Variants in SLC30A8 observed in about 807,000 individuals in gnomAD.
SLC30A8 encodes proton-coupled zinc antiporter SLC30A8.
A neutral mutation model predicts 36.9 loss-of-function variants in SLC30A8; 27 were observed. The ratio of observed to expected loss-of-function variants is 0.73; its 90% CI spans 0.54 to 1.01. The LOEUF is 1.01. SLC30A8 is among the 50% of genes least tolerant of loss of function. The probability of loss-of-function intolerance (pLI) is 0.00; values close to 1 mark genes in which losing one functional copy is unlikely to be tolerated. For synonymous variants in SLC30A8, 164 were observed against 172.4 expected, an observed-to-expected ratio of 0.95 and a Z score of 0.38; for missense variants, 439 against 452.0, an observed-to-expected ratio of 0.97 and a Z score of 0.26.
chr8:117,153,723 G>GGTGTGTGTGT (rs59464276), intron 3 of SLC30A8, among the ~76,000 whole-genome samples: 2,147 of 146,978 alleles, frequency 0.015, 38 homozygotes, highest in East Asian at 0.062. Flanking sequence ...CATGATAAGG[G>GGTGTGTGTGT]GTGTGTGTGT....
intron 1 of SLC30A8, among the ~76,000 whole-genome samples, chr8:116,977,147 T>C (rs1815065899): frequency 8.7e-6 from 1 of 114,538 alleles, no homozygotes; most frequent in African/African-American, 4.4e-5. Context: ...CTTGCTTTTT[T>C]TTTTTTTTTT....
intron 2 of SLC30A8, among the ~76,000 whole-genome samples, chr8:117,071,392 T>A (rs571914427): frequency 6.6e-6 from 1 of 152,296 alleles, no homozygotes; most frequent in East Asian, 1.9e-4. Context: ...ATGTTTTAAT[T>A]TGGTTGTTTT....
chr8:117,088,080 G>T (rs867096029), intron 2 of SLC30A8, among the ~76,000 whole-genome samples: 3 of 152,030 alleles, frequency 2.0e-5, no homozygotes, highest in Non-Finnish European at 4.4e-5. Flanking sequence ...GGGAAGGAGA[G>T]AGAGAGAATG....
At chr8:117,057,599 A>C (rs549418301) in intron 2 of SLC30A8, among the ~76,000 whole-genome samples, 40 of 152,276 alleles carry the variant, frequency 2.6e-4, no homozygotes, top group Non-Finnish European at 5.0e-4. Flanking sequence ...GATTCCATGT[A>C]TAAGTGAAAT....
At chr8:117,126,269 G>A (rs1372507971) in intron 2 of SLC30A8, among the ~76,000 whole-genome samples, 1 of 151,772 alleles carries the variant, frequency 6.6e-6, no homozygotes, top group Non-Finnish European at 1.5e-5. Context: ...TATGTATGAA[G>A]TATTAATATG....
At chr8:117,023,975 A>G (rs986874295) in intron 1 of SLC30A8, among the ~76,000 whole-genome samples, 1 of 152,138 alleles carries the variant, frequency 6.6e-6, no homozygotes, top group Non-Finnish European at 1.5e-5. Flanking sequence ...AATTGATGGC[A>G]TATTTTAAAA....
In SLC30A8 at chr8:117,091,086, C is replaced by A. The variant is rs567688424; in HGVS notation, c.-225-44194C>A. Among the ~76,000 whole-genome samples, 7 of 150,624 alleles carry A rather than the reference C, an allele frequency of 4.6e-5. No homozygotes were observed. The South Asian group carries it at 1.5e-3, about 31-fold the overall frequency. ...CTGAAAACATCTTTTTTTTTTTGCA[C>A]TTAGATTGGCAGAGCCACTTCATCT... is the stretch of plus-strand genomic sequence containing the variant. On this transcript the variant is annotated intron_variant, in intron 2 of 10. Transcript: ENST00000427715.
chr8:116,980,916 A>G (rs1754909355), intron 1 of SLC30A8, among the ~76,000 whole-genome samples: 1 of 152,210 alleles, frequency 6.6e-6, no homozygotes, highest in African/African-American at 2.4e-5. Flanking sequence ...TGGTTAACAA[A>G]TTTATTTAAT....
intron 2 of SLC30A8, among the ~76,000 whole-genome samples, chr8:117,122,905 CATG>C (rs1412863871): frequency 1.3e-5 from 2 of 152,068 alleles, no homozygotes; most frequent in South Asian, 2.1e-4. Context: ...CTTCCCAAAT[CATG>C]ATGGAGCTTG....
At chr8:116,956,015 A>G (rs529937538) in intron 1 of SLC30A8, among the ~76,000 whole-genome samples, 1 of 152,340 alleles carries the variant, frequency 6.6e-6, no homozygotes, top group African/African-American at 2.4e-5. Flanking sequence ...GAAAGATTAT[A>G]AGCACTGTTG....
At chr8:117,034,036 C>T (rs1817135628) in intron 1 of SLC30A8, among the ~76,000 whole-genome samples, 2 of 152,172 alleles carry the variant, frequency 1.3e-5, no homozygotes, top group Admixed American at 6.5e-5. Flanking sequence ...TTTCCAAGGT[C>T]ACATAGCTAG....
Position 116,956,538 on chromosome 8 carries a change from C to T in SLC30A8, c.-266+5419C>T, listed in dbSNP as rs568178624. On this transcript the variant is annotated intron_variant, in intron 1 of 10. Transcript: ENST00000427715. Reference sequence around the variant, plus strand: ...TATCTTTTAGTAAAAATCATGCTTACAACGAAAATACAATTCATTGGATTT... The same window carrying T: ...TATCTTTTAGTAAAAATCATGCTTATAACGAAAATACAATTCATTGGATTT... Among the ~76,000 whole-genome samples, 3 of 152,134 alleles carry T rather than the reference C, an allele frequency of 2.0e-5. No individual in the cohort carries two copies. In the East Asian group the frequency reaches 5.8e-4, roughly 29 times the overall value.
intron 1 of SLC30A8, among the ~76,000 whole-genome samples, chr8:116,989,858 G>A (rs1815571233): frequency 6.6e-6 from 1 of 152,204 alleles, no homozygotes. Flanking sequence ...GCCAGGAATG[G>A]CAAACAGTTT....
chr8:116,951,476 T>C (rs2130567980), intron 1 of SLC30A8, among the ~76,000 whole-genome samples: 1 of 152,238 alleles, frequency 6.6e-6, no homozygotes, highest in Middle Eastern at 3.4e-3. Flanking sequence ...CAAAACGCCT[T>C]CTCTCTTGTA....
intron 3 of SLC30A8, among the ~76,000 whole-genome samples, chr8:117,156,919 T>C (rs1294285235): frequency 6.6e-6 from 1 of 152,214 alleles, no homozygotes; most frequent in African/African-American, 2.4e-5. Flanking sequence ...GACTAAATGA[T>C]GGATTGTACC....
At chr8:117,044,751 A>G (rs1448888897) in intron 2 of SLC30A8, among the ~76,000 whole-genome samples, 1 of 152,174 alleles carries the variant, frequency 6.6e-6, no homozygotes, top group African/African-American at 2.4e-5. Flanking sequence ...GAGAAAACCT[A>G]TTTCTGTCCT....
At chr8:117,083,665 C>G (rs1289514033) in intron 2 of SLC30A8, among the ~76,000 whole-genome samples, 2 of 152,180 alleles carry the variant, frequency 1.3e-5, no homozygotes. Context: ...ACCCAAGACA[C>G]TTTCCTTCTG....
intron 1 of SLC30A8, among the ~76,000 whole-genome samples, chr8:116,984,029 TTATACATTTTTA>T (rs1227278321): frequency 6.6e-6 from 1 of 152,186 alleles, no homozygotes; most frequent in Admixed American, 6.6e-5. Context: ...CGCTAATCTG[TTATACATTTTTA>T]TAATTTTTAT....
At position 117,175,619 on chromosome 8, in the gene SLC30A8, A is replaced by G. The variant is rs1823640722; in HGVS notation, c.*2938A>G. The G allele has an allele frequency of 6.6e-6, 1 of 152,132 alleles. No homozygotes were observed. The highest frequency in any genetic ancestry group is 1.5e-5 in the Non-Finnish European group (1 of 68,004). 9.4% of individuals were successfully genotyped at this position (152,132 alleles called of 1,614,324 possible). A position where few individuals can be genotyped will look rare whatever the true frequency, so the allele number is the denominator to read the frequency against. The stretch of plus-strand genomic sequence containing the variant: ...CCCTATTCAAATGTGTGAGAGTTTA[A>G]TAAATTAGGACACTTAAAAATGTTG... On this transcript the variant is annotated 3_prime_UTR_variant, in exon 8 of 8. Coordinates refer to ENST00000456015, the MANE Select transcript of SLC30A8 (RefSeq NM_173851.3).
Sources: gnomAD v4.1 joint callset for allele counts (sites outside exome capture counted in the v4.1 genomes callset) on GRCh38, gnomAD v4.1.1 for gene constraint, MANE v1.5 for transcripts, NCBI Gene and HGNC (gene_info 2026-07-23, HGNC 2026-07-21) for gene names.